Variants in LGR5 observed in about 807,000 individuals in gnomAD.
LGR5 encodes leucine-rich repeat-containing G protein-coupled receptor 5.
In LGR5, 54 loss-of-function variants were observed where a neutral mutation model predicts 76.7. That is an observed-to-expected ratio of 0.70 (90% CI 0.57 to 0.88). The LOEUF is 0.88. Ranked by LOEUF, LGR5 falls within the 40% of genes least tolerant of loss-of-function variation. The pLI is 0.00. For missense variants in LGR5, 1,078 were observed against 1,073.3 expected (o/e 1.00, Z -0.06); for synonymous variants, 406 against 421.9 (o/e 0.96, Z 0.46).
At chr12:71,578,101 A>G in intron 14 of LGR5, 105 bp downstream of exon 14, 3 of 821,000 alleles carry the variant, frequency 3.7e-6, no homozygotes, top group Non-Finnish European at 4.1e-6. Context: ...TGCACAGATT[A>G]CCTGCCTCTG....
At position 71,476,711 on chromosome 12, in the gene LGR5, G is replaced by A. The variant is rs368916871; in HGVS notation, c.213-27903G>A. ...GAACTAGTTCTTGGCAGGGAGATGAGTCATCCCAGCCAAGGCTGGAACTTT... is the reference window on the plus strand; with the variant it reads ...GAACTAGTTCTTGGCAGGGAGATGAATCATCCCAGCCAAGGCTGGAACTTT... On this transcript the variant is annotated intron_variant, in intron 1 of 17. Coordinates refer to ENST00000266674, the MANE Select transcript of LGR5 (RefSeq NM_003667.4). Among the ~76,000 whole-genome samples the A allele has an allele frequency of 3.3e-4, 51 of 152,276 alleles. No individual in the cohort carries two copies. The East Asian group carries it at 3.5e-3, about 10-fold the overall frequency.
intron 7 of LGR5, among the ~76,000 whole-genome samples, chr12:71,559,938 C>T (rs1405308406): frequency 6.6e-6 from 1 of 152,072 alleles, no homozygotes; most frequent in African/African-American, 2.4e-5. Context: ...ACTCTCCCAC[C>T]ATTTATGTAC....
At chr12:71,540,252 T>C (rs761319227) in intron 4 of LGR5, among the ~76,000 whole-genome samples, 2 of 152,206 alleles carry the variant, frequency 1.3e-5, no homozygotes, top group Non-Finnish European at 2.9e-5. Flanking sequence ...GAGTTGCATA[T>C]TCATGTTTGT....
At chr12:71,455,407 G>C (rs183137488) in intron 1 of LGR5, among the ~76,000 whole-genome samples, 1 of 152,086 alleles carries the variant, frequency 6.6e-6, no homozygotes, top group Admixed American at 6.6e-5. Flanking sequence ...CAGGATTGTA[G>C]AAAATGGGAG....
chr12:71,451,480 C>T (rs1340681088), intron 1 of LGR5, among the ~76,000 whole-genome samples: 2 of 152,132 alleles, frequency 1.3e-5, no homozygotes, highest in Non-Finnish European at 2.9e-5. Flanking sequence ...ACATGTGTTG[C>T]CATCTGCTGG....
intron 13 of LGR5, among the ~76,000 whole-genome samples, chr12:71,574,961 A>G (rs1256566197): frequency 6.6e-6 from 1 of 152,236 alleles, no homozygotes; most frequent in Non-Finnish European, 1.5e-5. Flanking sequence ...AAATTTCAGT[A>G]AAACTTCTAG....
chr12:71,546,317 A>AATATATATAT (rs57093154), intron 4 of LGR5, among the ~76,000 whole-genome samples: 11 of 148,814 alleles, frequency 7.4e-5, no homozygotes, highest in African/African-American at 2.0e-4. Context: ...TCAGTCTCAA[A>AATATATATAT]ATATATATAT....
chr12:71,515,043 C>T (rs567467623), intron 2 of LGR5, among the ~76,000 whole-genome samples: 1 of 152,292 alleles, frequency 6.6e-6, no homozygotes, highest in Non-Finnish European at 1.5e-5. Context: ...GTATCTGGTC[C>T]CATCTGACCA....
chr12:71,571,652 T>A lies in LGR5; in HGVS notation c.1136+73T>A, dbSNP rs770566187. On this transcript the variant is annotated intron_variant, in intron 12 of 17. Coordinates refer to ENST00000266674, the MANE Select transcript of LGR5 (RefSeq NM_003667.4). ...ACTCACATTTCTCAGGGTCACTGGT[T>A]CATTTACCCTGTGGTTCACTGGGGA... 255 of 1,092,980 alleles carry A rather than the reference T, an allele frequency of 2.3e-4. 1 individual carries two copies. The highest frequency in any genetic ancestry group is 3.4e-4 in the Non-Finnish European group (246 of 715,946). The allele number at this position is 1,092,980 out of a possible 1,614,324, so 67.7% of individuals were successfully genotyped here.
chr12:71,572,791 G>A, intron 12 of LGR5, 59 bp from the exon 13 acceptor site: 1 of 1,304,134 alleles, frequency 7.7e-7, no homozygotes, highest in Non-Finnish European at 1.1e-6. Flanking sequence ...GTTATCTGAA[G>A]TCTGTAGTCT....
chr12:71,583,385 T>TA, intron 17 of LGR5: 1 of 458,632 alleles, frequency 2.2e-6, no homozygotes, highest in Non-Finnish European at 3.9e-6. Flanking sequence ...AGACTTCAAT[T>TA]AAGTGATCGA....
chr12:71,439,401 C>T (rs1014279635), upstream of LGR5, among the ~76,000 whole-genome samples: 1 of 152,130 alleles, frequency 6.6e-6, no homozygotes, highest in Non-Finnish European at 1.5e-5. Flanking sequence ...GTATCTCATC[C>T]ATTATTTGAA....
intron 13 of LGR5, among the ~76,000 whole-genome samples, chr12:71,574,177 C>T (rs1878744559): frequency 6.6e-6 from 1 of 151,420 alleles, no homozygotes; most frequent in Non-Finnish European, 1.5e-5. Context: ...GTGGCATGTG[C>T]CTGTAGTCCC....
chr12:71,584,550 C>T lies in LGR5; in HGVS notation c.2540C>T (p.Pro847Leu), dbSNP rs1430912129. Residue 847 changes from proline to leucine, a missense_variant, in exon 18 of 18, where the codon CCA (proline) becomes CTA (leucine). Physicochemically the swap from Pro to Leu is moderately conservative, Grantham distance 98. Coordinates refer to ENST00000266674, the MANE Select transcript of LGR5 (RefSeq NM_003667.4). Reference protein sequence around the residue: ...QTYVWTRSKHPSLMSINSDDV... With the variant: ...QTYVWTRSKHLSLMSINSDDV... The stretch of plus-strand genomic sequence containing the variant: ...TACGTCTGGACAAGATCAAAACACC[C>T]AAGCTTGATGTCAATTAACTCTGAT... The T allele has an allele frequency of 6.2e-7, 1 of 1,613,952 alleles. No homozygotes were observed. The highest frequency in any genetic ancestry group is 8.5e-7 in the Non-Finnish European group (1 of 1,180,006).
intron 4 of LGR5, among the ~76,000 whole-genome samples, chr12:71,546,801 T>C (rs561670760): frequency 1.3e-5 from 2 of 152,286 alleles, no homozygotes; most frequent in South Asian, 2.1e-4. Flanking sequence ...ATGCAAACCT[T>C]GAAGACTGCT....
chr12:71,580,926 C>T (rs1879064768), intron 16 of LGR5, among the ~76,000 whole-genome samples: 1 of 152,196 alleles, frequency 6.6e-6, no homozygotes, highest in Non-Finnish European at 1.5e-5. Flanking sequence ...AAAACTAGCT[C>T]AGGATTTATC....
intron 11 of LGR5, chr12:71,571,290 T>C (rs1344723116): frequency 1.3e-5 from 5 of 387,438 alleles, no homozygotes; most frequent in Middle Eastern, 1.4e-3. Flanking sequence ...AAGTAAACTA[T>C]TTAAATCAAT....
intron 1 of LGR5, among the ~76,000 whole-genome samples, chr12:71,469,032 G>C (rs1279136498): frequency 6.6e-6 from 1 of 152,044 alleles, no homozygotes; most frequent in South Asian, 2.1e-4. Context: ...TTTAGATTTT[G>C]TTCAATTTTT....
At chr12:71,468,219 A>C (rs1233410324) in intron 1 of LGR5, among the ~76,000 whole-genome samples, 1 of 152,230 alleles carries the variant, frequency 6.6e-6, no homozygotes, top group African/African-American at 2.4e-5. Context: ...GTCTGTTTTT[A>C]AAGGCAACAG....
Sources: allele counts gnomAD v4.1 joint callset (sites outside exome capture counted in the v4.1 genomes callset), GRCh38; gene constraint gnomAD v4.1.1; transcripts MANE v1.5; gene names NCBI Gene and HGNC (gene_info 2026-07-23, HGNC 2026-07-21).